The following SLC36A1 variants were observed in gnomAD, a reference collection of about 807,000 sequenced individuals.
The protein encoded by SLC36A1 is proton-coupled amino acid transporter 1.
In SLC36A1, 30 loss-of-function variants were observed where a neutral mutation model predicts 47.5. The observed-to-expected ratio is 0.63, with a 90% CI of 0.47 to 0.86. The LOEUF (loss-of-function observed/expected upper bound fraction) is 0.86, where lower values mean the gene tolerates loss of function less well. Among genes scored for constraint, SLC36A1 ranks in the 40% least tolerant of loss-of-function variants. SLC36A1 has a pLI of 0.00. For synonymous variants in SLC36A1, 255 were observed against 249.7 expected (o/e 1.02, Z -0.20); for missense variants, 517 against 606.0 (o/e 0.85, Z 1.54).
the SLC36A1 span, among the ~76,000 whole-genome samples, chr5:151,421,981 CA>C: frequency 1.3e-5 from 2 of 152,126 alleles, no homozygotes; most frequent in African/African-American, 4.8e-5. Flanking sequence ...ATGGAAACTG[CA>C]GGAAAAAAAC....
At chr5:151,414,229 G>A in the SLC36A1 span, among the ~76,000 whole-genome samples, 1 of 152,166 alleles carries the variant, frequency 6.6e-6, no homozygotes, top group Non-Finnish European at 1.5e-5. Flanking sequence ...ACCCAGAGGA[G>A]GTGAGCATTT....
the SLC36A1 span, among the ~76,000 whole-genome samples, chr5:151,518,417 T>G: frequency 6.6e-6 from 1 of 151,440 alleles, no homozygotes; most frequent in Non-Finnish European, 1.5e-5. Flanking sequence ...ATGTAATGAA[T>G]CAAGTGTGTG....
At chr5:151,545,964 C>A in the SLC36A1 span, 16 of 1,614,172 alleles carry the variant, frequency 9.9e-6, no homozygotes, top group Non-Finnish European at 1.1e-5. Flanking sequence ...ACGAGATTTT[C>A]TCATGGTCCA....
the SLC36A1 span, among the ~76,000 whole-genome samples, chr5:151,377,258 T>A: frequency 6.6e-6 from 1 of 152,144 alleles, no homozygotes; most frequent in Non-Finnish European, 1.5e-5. Flanking sequence ...AGTCTAGTGT[T>A]TCTTTGTTGA....
the SLC36A1 span, among the ~76,000 whole-genome samples, chr5:151,370,906 T>A: frequency 6.6e-6 from 1 of 152,102 alleles, no homozygotes; most frequent in Non-Finnish European, 1.5e-5. Context: ...GGCAGGAGAA[T>A]CACTTGGACC....
the SLC36A1 span, among the ~76,000 whole-genome samples, chr5:151,546,987 T>G: frequency 6.6e-6 from 1 of 152,224 alleles, no homozygotes; most frequent in African/African-American, 2.4e-5. Context: ...CTCTAGGCAT[T>G]CTCACATCAC....
the SLC36A1 span, among the ~76,000 whole-genome samples, chr5:151,405,233 T>G: frequency 1.3e-5 from 2 of 152,184 alleles, no homozygotes; most frequent in African/African-American, 4.8e-5. Context: ...AATTCCAGAA[T>G]AATTTAGTTC....
the SLC36A1 span, among the ~76,000 whole-genome samples, chr5:151,405,240 G>C: frequency 1.3e-5 from 2 of 150,042 alleles, no homozygotes; most frequent in Admixed American, 1.3e-4. Flanking sequence ...GAATAATTTA[G>C]TTCCTTCTTA....
chr5:151,553,332 A>G, the SLC36A1 span: 11 of 1,614,252 alleles, frequency 6.8e-6, no homozygotes, highest in East Asian at 4.5e-5. Flanking sequence ...GATCCACTCA[A>G]TGTGTAGCCG....
chr5:151,392,920 G>T, the SLC36A1 span, among the ~76,000 whole-genome samples: 1 of 152,160 alleles, frequency 6.6e-6, no homozygotes, highest in Non-Finnish European at 1.5e-5. Flanking sequence ...TATTAGGTCA[G>T]CTTGGTGCAG....
the SLC36A1 span, among the ~76,000 whole-genome samples, chr5:151,377,822 C>A: frequency 6.6e-6 from 1 of 152,260 alleles, no homozygotes; most frequent in East Asian, 1.9e-4. Flanking sequence ...TTATCTGATA[C>A]AAGTATAGCT....
intron 10 of SLC36A1, among the ~76,000 whole-genome samples, chr5:151,487,495 T>C (rs1759729017): frequency 6.6e-6 from 1 of 152,230 alleles, no homozygotes; most frequent in Non-Finnish European, 1.5e-5. Flanking sequence ...AAATGCGGTT[T>C]TATCACGGTG....
the SLC36A1 span, chr5:151,545,810 G>A: frequency 6.8e-6 from 11 of 1,614,212 alleles, no homozygotes; most frequent in South Asian, 8.8e-5. Flanking sequence ...ATGCTATACA[G>A]TGGAGCTGCT....
the SLC36A1 span, among the ~76,000 whole-genome samples, chr5:151,416,889 C>T: frequency 6.6e-6 from 1 of 152,226 alleles, no homozygotes; most frequent in Admixed American, 6.5e-5. Context: ...CCATGCTGTT[C>T]TCACAATATT....
At chr5:151,457,016 G>T (rs1428814411) in intron 1 of SLC36A1, among the ~76,000 whole-genome samples, 1 of 152,174 alleles carries the variant, frequency 6.6e-6, no homozygotes, top group Admixed American at 6.5e-5. Context: ...ACATGCCGGA[G>T]GACAGTCTGA....
chr5:151,363,502 T>C, the SLC36A1 span, among the ~76,000 whole-genome samples: 1 of 152,162 alleles, frequency 6.6e-6, no homozygotes, highest in Admixed American at 6.6e-5. Context: ...TGGTGCTCTA[T>C]ATTTGTTTTT....
the SLC36A1 span, among the ~76,000 whole-genome samples, chr5:151,530,848 G>C: frequency 6.6e-6 from 1 of 152,160 alleles, no homozygotes; most frequent in African/African-American, 2.4e-5. Flanking sequence ...ACTGAAGCTG[G>C]GTGGTGGGAA....
At chr5:151,376,976 A>G in the SLC36A1 span, among the ~76,000 whole-genome samples, 1 of 152,186 alleles carries the variant, frequency 6.6e-6, no homozygotes, top group Non-Finnish European at 1.5e-5. Context: ...ATGGACCCAA[A>G]GATCGTTAAG....
the SLC36A1 span, among the ~76,000 whole-genome samples, chr5:151,350,676 A>G: frequency 6.6e-6 from 1 of 152,174 alleles, no homozygotes; most frequent in Non-Finnish European, 1.5e-5. Flanking sequence ...CTGGAAGAAC[A>G]TAATATCAGG....
Sources: allele counts gnomAD v4.1 joint callset (sites outside exome capture counted in the v4.1 genomes callset), GRCh38; gene constraint gnomAD v4.1.1; transcripts MANE v1.5; gene names NCBI Gene and HGNC (gene_info 2026-07-23, HGNC 2026-07-21).